Variants in FSTL5 observed in about 807,000 individuals in gnomAD.
FSTL5 encodes the protein follistatin-related protein 5.
FSTL5 carries 62 observed loss-of-function variants against 89.1 expected under a neutral mutation model. That is an observed-to-expected ratio of 0.70 (90% CI 0.57 to 0.86). The LOEUF (loss-of-function observed/expected upper bound fraction) is 0.86. Among genes scored for constraint, FSTL5 ranks in the 40% least tolerant of loss-of-function variants. FSTL5 has a pLI of 0.00. For missense variants in FSTL5, 1,057 were observed against 1,001.6 expected (o/e 1.06, Z -0.75); for synonymous variants, 383 against 346.2 (o/e 1.11, Z -1.18).
intron 2 of FSTL5, among the ~76,000 whole-genome samples, chr4:162,079,303 A>C (rs1294273129): frequency 6.6e-6 from 1 of 151,688 alleles, no homozygotes; most frequent in Admixed American, 6.6e-5. Flanking sequence ...GCATGTCTAC[A>C]TGTCTATTTC....
intron 4 of FSTL5, among the ~76,000 whole-genome samples, chr4:161,791,291 G>C (rs1414269701): frequency 3.9e-5 from 6 of 152,084 alleles, no homozygotes; most frequent in Admixed American, 3.9e-4. Context: ...ACACACTAAG[G>C]AATAAACTTG....
intron 8 of FSTL5, among the ~76,000 whole-genome samples, chr4:161,551,511 A>G (rs531987642): frequency 1.3e-5 from 2 of 152,158 alleles, no homozygotes; most frequent in Admixed American, 6.6e-5. Flanking sequence ...TAGCCAAAAA[A>G]GAGCCCGCAT....
intron 3 of FSTL5, among the ~76,000 whole-genome samples, chr4:161,964,276 G>A (rs1214612169): frequency 1.3e-5 from 2 of 151,992 alleles, no homozygotes; most frequent in Admixed American, 1.3e-4. Flanking sequence ...AGCAGAAAAT[G>A]ACATCTTCAC....
intron 3 of FSTL5, among the ~76,000 whole-genome samples, chr4:161,921,792 C>T (rs368774254): frequency 1.3e-5 from 2 of 151,996 alleles, no homozygotes; most frequent in Admixed American, 6.6e-5. Context: ...CTGTAACTCA[C>T]GTGTAACTCA....
At chr4:161,818,466 A>G (rs904906270) in intron 4 of FSTL5, among the ~76,000 whole-genome samples, 9 of 152,280 alleles carry the variant, frequency 5.9e-5, no homozygotes, top group East Asian at 1.9e-4. Context: ...CCGCCTATGG[A>G]CTGTAAAACT....
chr4:161,830,382 T>A (rs1417092978), intron 4 of FSTL5, among the ~76,000 whole-genome samples: 3 of 152,090 alleles, frequency 2.0e-5, no homozygotes, highest in African/African-American at 7.2e-5. Flanking sequence ...TTGGATTTTT[T>A]AATGAGTGTT....
At chr4:161,416,547 A>G (rs992052509) in intron 15 of FSTL5, among the ~76,000 whole-genome samples, 9 of 152,130 alleles carry the variant, frequency 5.9e-5, no homozygotes, top group African/African-American at 1.7e-4. Context: ...TGTAAGTTTA[A>G]AAAATACTCT....
intron 7 of FSTL5, among the ~76,000 whole-genome samples, chr4:161,610,909 C>A (rs1734609978): frequency 6.6e-6 from 1 of 151,608 alleles, no homozygotes; most frequent in Non-Finnish European, 1.5e-5. Context: ...ATGCCCAAAG[C>A]TATTATATCT....
chr4:161,477,915 A>C (rs2126447970), intron 13 of FSTL5, among the ~76,000 whole-genome samples: 1 of 152,224 alleles, frequency 6.6e-6, no homozygotes, highest in Middle Eastern at 3.4e-3. Flanking sequence ...ATGTAGTATT[A>C]GTTAAAAACT....
intron 2 of FSTL5, among the ~76,000 whole-genome samples, chr4:162,061,995 A>T (rs894027952): frequency 2.6e-5 from 4 of 152,076 alleles, no homozygotes; most frequent in African/African-American, 9.7e-5. Context: ...AAAGTGTTAA[A>T]TAAATGACTC....
At chr4:161,517,679 G>T (rs560836077) in intron 10 of FSTL5, among the ~76,000 whole-genome samples, 1 of 152,260 alleles carries the variant, frequency 6.6e-6, no homozygotes, top group East Asian at 1.9e-4. Flanking sequence ...CTATTGCAGA[G>T]CTACTTTTCT....
chr4:161,914,465 G>A (rs1201170393), intron 4 of FSTL5, among the ~76,000 whole-genome samples: 1 of 151,686 alleles, frequency 6.6e-6, no homozygotes, highest in Admixed American at 6.6e-5. Flanking sequence ...AATGTAGTGG[G>A]GTAGTAAAAT....
chr4:162,027,411 G>T (rs1737337647), intron 3 of FSTL5, among the ~76,000 whole-genome samples: 1 of 151,960 alleles, frequency 6.6e-6, no homozygotes, highest in African/African-American at 2.4e-5. Flanking sequence ...TGGTTTTATA[G>T]AATTGTTTAT....
At chr4:161,950,714 G>T (rs562997195) in intron 3 of FSTL5, among the ~76,000 whole-genome samples, 13 of 152,166 alleles carry the variant, frequency 8.5e-5, no homozygotes, top group African/African-American at 2.9e-4. Flanking sequence ...AGCCTACAAT[G>T]GGCTCTAAGT....
intron 6 of FSTL5, among the ~76,000 whole-genome samples, chr4:161,714,999 A>T (rs1738927104): frequency 6.6e-6 from 1 of 152,158 alleles, no homozygotes; most frequent in Non-Finnish European, 1.5e-5. Flanking sequence ...GGACTATTTT[A>T]TATAAAACAA....
chr4:161,471,733 G>GT (rs1474415900), intron 13 of FSTL5, among the ~76,000 whole-genome samples: 1 of 152,072 alleles, frequency 6.6e-6, no homozygotes, highest in East Asian at 1.9e-4. Context: ...CCTAGCATTT[G>GT]TAAGTAAATT....
At chr4:161,661,058 G>A (rs1281464481) in intron 6 of FSTL5, among the ~76,000 whole-genome samples, 3 of 151,938 alleles carry the variant, frequency 2.0e-5, no homozygotes, top group Non-Finnish European at 2.9e-5. Context: ...CGTGGAAGAC[G>A]GTATGGCAAT....
intron 2 of FSTL5, among the ~76,000 whole-genome samples, chr4:162,046,653 T>C (rs1578983489): frequency 6.6e-6 from 1 of 152,220 alleles, no homozygotes; most frequent in East Asian, 1.9e-4. Flanking sequence ...ATTATAACAG[T>C]ATTTTCAGTG....
At chr4:161,893,631 A>T (rs1733059175) in intron 4 of FSTL5, among the ~76,000 whole-genome samples, 1 of 152,166 alleles carries the variant, frequency 6.6e-6, no homozygotes, top group Non-Finnish European at 1.5e-5. Context: ...TTTTCTCATC[A>T]GGTAATTCAA....
Sources: allele counts gnomAD v4.1 joint callset (sites outside exome capture counted in the v4.1 genomes callset), GRCh38; gene constraint gnomAD v4.1.1; transcripts MANE v1.5; gene names NCBI Gene and HGNC (gene_info 2026-07-23, HGNC 2026-07-21).